Variants in PPP4R2 observed in about 807,000 individuals in gnomAD.
The protein encoded by PPP4R2 is protein phosphatase 4 regulatory subunit 2, also known as serine/threonine-protein phosphatase 4 regulatory subunit 2.
PPP4R2 carries 13 observed loss-of-function variants against 47.2 expected under a neutral mutation model. The observed-to-expected ratio is 0.28, with a 90% confidence interval of 0.18 to 0.44. PPP4R2 has a LOEUF of 0.44. PPP4R2 is among the 20% of genes least tolerant of loss of function. The pLI is 1.00. For missense variants in PPP4R2, 421 were observed against 491.2 expected, an observed-to-expected ratio of 0.86 and a Z score of 1.35; for synonymous variants, 151 against 163.3, an observed-to-expected ratio of 0.92 and a Z score of 0.57.
Position 73,009,430 on chromosome 3 carries a change from CAA to C in PPP4R2, c.116+11274_116+11275del, listed in dbSNP as rs146211819. 6.5e-3 allele frequency among the ~76,000 whole-genome samples: 997 copies of C among 152,290 alleles called. 8 individuals carry two copies. The highest frequency in any genetic ancestry group is 0.023 in the African/African-American group (945 of 41,556). On this transcript the variant is annotated intron_variant, in intron 2 of 8. Transcript: ENST00000356692. ...ACTACTACTAAACTCTTTAAAGTCA[CAA>C]AGAGGTTCTTAAAATATCTGTTAGT...
At chr3:73,040,313 G>A (rs1041757610) in intron 2 of PPP4R2, among the ~76,000 whole-genome samples, 2 of 152,154 alleles carry the variant, frequency 1.3e-5, no homozygotes, top group African/African-American at 4.8e-5. Context: ...GGTACATGGT[G>A]TCTGGGGAGT....
intron 2 of PPP4R2, among the ~76,000 whole-genome samples, chr3:73,009,052 G>GT (rs1701671124): frequency 6.6e-6 from 1 of 152,194 alleles, no homozygotes; most frequent in Non-Finnish European, 1.5e-5. Context: ...GTAAGTGGGA[G>GT]TTACTGTAAC....
chr3:73,062,978 T>A, intron 5 of PPP4R2: 1 of 1,231,440 alleles, frequency 8.1e-7, no homozygotes, highest in Admixed American at 2.2e-5. Context: ...GCTCCATTGC[T>A]CTACGGGCCA....
At position 73,068,686 on chromosome 3, in the gene PPP4R2, G is replaced by C. The variant is rs992047385; in HGVS notation, c.*2964G>C. ...AGATTCAGAGTATTTTGTTTTGCCG[G>C]TGTAGATAGGCATGTATTTATGCAT... is the stretch of plus-strand genomic sequence containing the variant. On this transcript the variant is annotated 3_prime_UTR_variant, in exon 9 of 9. Transcript: ENST00000356692. 1.3e-5 allele frequency: 2 copies of C among 152,138 alleles called. No individual in the cohort carries two copies. The highest frequency in any genetic ancestry group is 2.9e-5 in the Non-Finnish European group (2 of 68,034). 9.4% of individuals were successfully genotyped at this position (152,138 alleles called of 1,614,324 possible).
In PPP4R2 at chr3:73,014,400, C is replaced by T. The variant is rs1484318809; in HGVS notation, c.116+16242C>T. Among the ~76,000 whole-genome samples the T allele has an allele frequency of 8.6e-4, 60 of 69,712 alleles. 12 individuals carry two copies. Among genetic ancestry groups the T allele is most frequent in the Admixed American group, 6.9e-3 (54 of 7,794 alleles). The allele number at this position is 69,712 out of a possible 152,430, so 45.7% of individuals were successfully genotyped here. A position where few individuals can be genotyped will look rare whatever the true frequency, so the allele number is the denominator to read the frequency against. ...TCCTAGGCTCAAGTGATTTTCCCAC[C>T]TGAGCTTCCCCAGTAGCTAGGACTA... On this transcript the variant is annotated intron_variant, in intron 2 of 8. Coordinates refer to ENST00000356692, the MANE Select transcript of PPP4R2 (RefSeq NM_174907.4).
chr3:73,050,596 C>T (rs1702590265), intron 3 of PPP4R2, among the ~76,000 whole-genome samples: 1 of 152,098 alleles, frequency 6.6e-6, no homozygotes, highest in Non-Finnish European at 1.5e-5. Context: ...GGTGTATGTT[C>T]ACGCTTTTAA....
intron 2 of PPP4R2, among the ~76,000 whole-genome samples, chr3:73,045,381 T>C (rs187544714): frequency 3.2e-4 from 48 of 152,262 alleles, no homozygotes; most frequent in Admixed American, 3.1e-3. Flanking sequence ...AAGCTCACAG[T>C]GAAGAATAAA....
In PPP4R2 at chr3:73,005,620, C is replaced by T. The variant is rs11712300; in HGVS notation, c.116+7462C>T. 7.3e-5 allele frequency among the ~76,000 whole-genome samples: 11 copies of T among 151,452 alleles called. No individual in the cohort carries two copies. The East Asian group carries it at 1.2e-3, about 16-fold the overall frequency. On this transcript the variant is annotated intron_variant, in intron 2 of 8. Transcript: ENST00000356692. ...TCCCAGCAGTTTGGGAGGCTGAGGC[C>T]GGCGGATCACCTGAGGTCGGGAGTT...
rs763900822 is a variant in PPP4R2 at position 72,997,017 on chromosome 3, T to C, written c.-21T>C. On this transcript the variant is annotated 5_prime_UTR_variant, in exon 1 of 9. Transcript: ENST00000356692. ...GAGACCCGCGGAGGGAGGCGGAGGCTGTGAGGGACTCCGGGAAGCCATGGA... is the reference window on the plus strand; with the variant it reads ...GAGACCCGCGGAGGGAGGCGGAGGCCGTGAGGGACTCCGGGAAGCCATGGA... 3.6e-6 allele frequency: 5 copies of C among 1,386,702 alleles called. No individual in the cohort carries two copies. Among genetic ancestry groups the C allele is most frequent in the South Asian group, 1.6e-5 (1 of 60,822 alleles). 85.9% of individuals were successfully genotyped at this position (1,386,702 alleles called of 1,614,324 possible).
rs551675032 is a variant in PPP4R2, at chr3:73,062,024, C to T, written c.419+964C>T. On this transcript the variant is annotated intron_variant, in intron 5 of 8. Transcript: ENST00000356692. ...AAATATGTTTTGTTTTGCTCATGAA[C>T]GTGAGGTATTTTGGAAAAATGGTAA... The T allele has an allele frequency of 1.7e-5, 21 of 1,241,442 alleles. No individual in the cohort carries two copies. The African/African-American group carries it at 2.3e-4, about 14-fold the overall frequency. The allele number at this position is 1,241,442 out of a possible 1,614,324, so 76.9% of individuals were successfully genotyped here.
chr3:73,003,432 C>T (rs974259517), intron 2 of PPP4R2, among the ~76,000 whole-genome samples: 5 of 151,998 alleles, frequency 3.3e-5, no homozygotes, highest in South Asian at 4.1e-4. Context: ...AGGCTGTTCT[C>T]GAACTCCTGG....
chr3:73,029,190 C>CT (rs553910882), intron 2 of PPP4R2, among the ~76,000 whole-genome samples: 3 of 152,210 alleles, frequency 2.0e-5, no homozygotes, highest in Non-Finnish European at 4.4e-5. Flanking sequence ...ATCCTCCCAC[C>CT]TTGTCCTCCC....
chr3:73,044,290 C>T (rs538313889), intron 2 of PPP4R2, among the ~76,000 whole-genome samples: 27 of 152,156 alleles, frequency 1.8e-4, no homozygotes, highest in Non-Finnish European at 3.5e-4. Context: ...TTGTTCCTAC[C>T]AGCAATGCAC....
At chr3:73,031,966 C>T (rs1325034341) in intron 2 of PPP4R2, among the ~76,000 whole-genome samples, 1 of 152,222 alleles carries the variant, frequency 6.6e-6, no homozygotes, top group Non-Finnish European at 1.5e-5. Context: ...ATATTATTAT[C>T]CCTGTTTCAC....
chr3:73,020,182 C>T lies in PPP4R2; in HGVS notation c.116+22024C>T, dbSNP rs566879898. 1.1e-3 allele frequency among the ~76,000 whole-genome samples: 172 copies of T among 152,068 alleles called. 1 individual carries two copies. The highest frequency in any genetic ancestry group is 2.1e-3 in the Non-Finnish European group (141 of 68,010). ...TCAGGTTATGTGGTAAGGCTTTCTT[C>T]CTGGCCCTGTTTTTTTGTTTCATTT... is the stretch of plus-strand genomic sequence containing the variant. On this transcript the variant is annotated intron_variant, in intron 2 of 8. Coordinates refer to ENST00000356692, the MANE Select transcript of PPP4R2 (RefSeq NM_174907.4).
chr3:73,067,767 C>CT lies in PPP4R2; in HGVS notation c.*2048dup, dbSNP rs1216486937. The CT allele has an allele frequency of 2.6e-5, 4 of 152,082 alleles. No homozygotes were observed. Among genetic ancestry groups the CT allele is most frequent in the Non-Finnish European group, 4.4e-5 (3 of 68,002 alleles). 9.4% of individuals were successfully genotyped at this position (152,082 alleles called of 1,614,324 possible). A position where few individuals can be genotyped will look rare whatever the true frequency, so the allele number is the denominator to read the frequency against. On this transcript the variant is annotated 3_prime_UTR_variant, in exon 9 of 9. Transcript: ENST00000356692. ...GTAAGTTGAAGATTTAGCATTATGA[C>CT]TTTGAGGTCTGTGGTTTTATTTGTA...
rs559789319 is a variant in PPP4R2 at position 73,012,444 on chromosome 3, C to T, written c.116+14286C>T. Among the ~76,000 whole-genome samples the T allele has an allele frequency of 8.5e-5, 13 of 152,200 alleles. 1 individual carries two copies. The highest frequency in any genetic ancestry group is 1.4e-4 in the African/African-American group (6 of 41,520). ...CCTCCCGCTTAGCTGGGACTACGAG[C>T]GCCTGCCACCACACCTGGATAATTT... On this transcript the variant is annotated intron_variant, in intron 2 of 8. Coordinates refer to ENST00000356692, the MANE Select transcript of PPP4R2 (RefSeq NM_174907.4).
chr3:73,035,338 T>G (rs1303196763), intron 2 of PPP4R2, among the ~76,000 whole-genome samples: 4 of 152,028 alleles, frequency 2.6e-5, no homozygotes, highest in Non-Finnish European at 5.9e-5. Context: ...AGGCAGAGGT[T>G]GCAGTGAGGT....
At chr3:73,014,845 T>C in intron 2 of PPP4R2, 1 of 444,766 alleles carries the variant, frequency 2.2e-6, no homozygotes, top group Non-Finnish European at 4.0e-6. Context: ...TGCTTTATCA[T>C]TTATTAGTTG....
Sources: gnomAD v4.1 joint callset for allele counts (sites outside exome capture counted in the v4.1 genomes callset) on GRCh38, gnomAD v4.1.1 for gene constraint, MANE v1.5 for transcripts, NCBI Gene and HGNC (gene_info 2026-07-23, HGNC 2026-07-21) for gene names.